CFAP99: variants seen among roughly 807,000 people sequenced by gnomAD.
CFAP99 encodes the protein cilia and flagella associated protein 99, also known as cilia- and flagella-associated protein 99.
In CFAP99, 84 loss-of-function variants were observed where a neutral mutation model predicts 82.7. That is an observed-to-expected ratio of 1.02 (90% confidence interval 0.85 to 1.22). CFAP99 has a LOEUF of 1.22. CFAP99 is among the 50% of genes most tolerant of loss of function. The pLI is 0.00. For synonymous variants in CFAP99, 456 were observed against 429.5 expected, an observed-to-expected ratio of 1.06 and a Z score of -0.76; for missense variants, 1,059 against 983.5, an observed-to-expected ratio of 1.08 and a Z score of -1.03.
At chr4:2,458,566 G>C (rs376003130) in intron 11 of CFAP99, among the ~76,000 whole-genome samples, 157 bp from the exon 12 acceptor site, 1 of 152,230 alleles carries the variant, frequency 6.6e-6, no homozygotes, top group Non-Finnish European at 1.5e-5. Context: ...CCAGAGCACC[G>C]CCAGGAGTGA....
At chr4:2,457,099 G>A (rs1383918150) in intron 11 of CFAP99, among the ~76,000 whole-genome samples, 1 of 151,742 alleles carries the variant, frequency 6.6e-6, no homozygotes, top group African/African-American at 2.4e-5. Context: ...ACCACAGGCA[G>A]GAGCCACCGG....
At chr4:2,447,044 A>G (rs1249541908) in intron 6 of CFAP99, among the ~76,000 whole-genome samples, 2 of 151,484 alleles carry the variant, frequency 1.3e-5, no homozygotes, top group African/African-American at 4.9e-5. Context: ...GGTTGGACTC[A>G]TGGAAGGATA....
chr4:2,458,898 C>G (rs567911512), intron 12 of CFAP99, 34 bp downstream of exon 12: 4 of 1,518,274 alleles, frequency 2.6e-6, no homozygotes, highest in East Asian at 2.5e-5. Flanking sequence ...GGCCCTACCC[C>G]GCTCTTCCCC....
intron 5 of CFAP99, 137 bp downstream of exon 5, chr4:2,443,379 G>A (rs903334679): frequency 7.8e-5 from 50 of 638,366 alleles, no homozygotes; most frequent in African/African-American, 4.9e-4. Flanking sequence ...CTCCGTGTTC[G>A]GATGAGATCT....
chr4:2,459,523 C>T (rs1404110516), intron 13 of CFAP99, among the ~76,000 whole-genome samples: 2 of 152,326 alleles, frequency 1.3e-5, no homozygotes, highest in South Asian at 2.1e-4. Context: ...ACAGAGGAGG[C>T]CACTTAGGAG....
At chr4:2,453,536 C>T (rs1470600711) in intron 11 of CFAP99, among the ~76,000 whole-genome samples, 2 of 152,172 alleles carry the variant, frequency 1.3e-5, no homozygotes, top group Non-Finnish European at 2.9e-5. Flanking sequence ...CAGAGTGTAC[C>T]AGGCTGAATT....
intron 6 of CFAP99, 138 bp from the exon 7 acceptor site, chr4:2,449,532 G>T: frequency 1.6e-6 from 1 of 631,398 alleles, no homozygotes; most frequent in Middle Eastern, 4.4e-4. Context: ...GTTAGCTCCA[G>T]CCCTGTTTCT....
intron 1 of CFAP99, among the ~76,000 whole-genome samples, chr4:2,420,726 G>C (rs1235526587): frequency 6.6e-6 from 1 of 152,176 alleles, no homozygotes; most frequent in Non-Finnish European, 1.5e-5. Flanking sequence ...GAGGTCCATG[G>C]AGAGGCAATC....
intron 6 of CFAP99, 70 bp downstream of exon 6, chr4:2,445,378 G>A (rs926430320): frequency 1.2e-5 from 15 of 1,234,544 alleles, no homozygotes; most frequent in Non-Finnish European, 1.5e-5. Flanking sequence ...AGAGTGGACT[G>A]TGTGGGCCTG....
At chr4:2,457,083 G>T (rs1341968722) in intron 11 of CFAP99, among the ~76,000 whole-genome samples, 2 of 151,398 alleles carry the variant, frequency 1.3e-5, no homozygotes, top group South Asian at 2.1e-4. Context: ...CTCCTGAGTA[G>T]CTGGGACCAC....
Position 2,453,741 on chromosome 4 carries a change from C to CTT in CFAP99, c.1161+1409_1161+1410dup, listed in dbSNP as rs34564273. On this transcript the variant is annotated intron_variant, in intron 11 of 14. Transcript: ENST00000635017. Reference sequence around the variant, plus strand: ...GCACTTTTGACCTTCATTTCCCTGACTTTTTTTTTTTTTTTGGTTCTTTAT... The same window carrying CTT: ...GCACTTTTGACCTTCATTTCCCTGACTTTTTTTTTTTTTTTTTGGTTCTTTAT... Among the ~76,000 whole-genome samples, 297 of 132,386 alleles carry CTT rather than the reference C, an allele frequency of 2.2e-3. 2 individuals carry two copies. The highest frequency in any genetic ancestry group is 2.8e-3 in the African/African-American group (100 of 35,274). 86.9% of individuals were successfully genotyped at this position (132,386 alleles called of 152,430 possible). A position where few individuals can be genotyped will look rare whatever the true frequency, so the allele number is the denominator to read the frequency against.
chr4:2,460,244 T>G lies in CFAP99; in HGVS notation c.1661+2T>G. The G allele has an allele frequency of 6.5e-7, 1 of 1,535,678 alleles. No homozygotes were observed. Among genetic ancestry groups the G allele is most frequent in the Non-Finnish European group, 8.7e-7 (1 of 1,146,784 alleles). ...CATGGGGAGATCCGCAGCCTTGAGG[T>G]TGGTACTGGGCTCGGGGAGGGTGCC... is the stretch of plus-strand genomic sequence containing the variant. On this transcript the variant is annotated splice_donor_variant, in intron 14 of 14. Coordinates refer to ENST00000635017, the Ensembl canonical transcript of CFAP99. LOFTEE classifies it high-confidence loss of function.
rs1253819268 is a variant in CFAP99 at position 2,440,149 on chromosome 4, C to CTTTTTTTTTTTTTTTTTT, written c.351+2000_351+2001insTTTTTTTTTTTTTTTTTT. ...GAGCCACTGCGCCCAGCTTGACATT[C>CTTTTTTTTTTTTTTTTTT]TTTTTTTTTTTTTTTGAGACGGAGT... On this transcript the variant is annotated intron_variant, in intron 4 of 14. Coordinates refer to ENST00000635017, the Ensembl canonical transcript of CFAP99. Among the ~76,000 whole-genome samples the CTTTTTTTTTTTTTTTTTT allele has an allele frequency of 2.6e-4, 27 of 104,028 alleles. 2 individuals carry two copies. The highest frequency in any genetic ancestry group is 6.4e-4 in the South Asian group (2 of 3,108). 68.2% of individuals were successfully genotyped at this position (104,028 alleles called of 152,430 possible). A position where few individuals can be genotyped will look rare whatever the true frequency, so the allele number is the denominator to read the frequency against.
At position 2,462,527 on chromosome 4, in the gene CFAP99, GGA is replaced by G; in HGVS notation, c.1750_1751del (p.Arg584GlyfsTer?). ...TGCAGCAGCTGCGGCGCAGGATCTC[GGA>G]GAGGGCGGCCGAGCGCAGCAGGCAG... On this transcript the variant is annotated frameshift_variant, in exon 15 of 15. Transcript: ENST00000635017. LOFTEE classifies it low-confidence loss of function (END_TRUNC). The surrounding 1 kb of genome is among the most constrained non-coding windows in gnomAD (Gnocchi z 4.1). 2 of 1,475,018 alleles carry G rather than the reference GGA, an allele frequency of 1.4e-6. No individual in the cohort carries two copies. The highest frequency in any genetic ancestry group is 1.8e-6 in the Non-Finnish European group (2 of 1,121,426). 91.4% of individuals were successfully genotyped at this position (1,475,018 alleles called of 1,614,324 possible).
chr4:2,438,222 T>C (rs1247980252), intron 4 of CFAP99, 58 bp downstream of exon 4: 2 of 967,202 alleles, frequency 2.1e-6, no homozygotes, highest in Non-Finnish European at 3.2e-6. Flanking sequence ...GTCCGTCTGA[T>C]CCTCGCCCAC....
At chr4:2,439,133 G>A (rs943999095) in intron 4 of CFAP99, among the ~76,000 whole-genome samples, 5 of 152,192 alleles carry the variant, frequency 3.3e-5, no homozygotes, top group African/African-American at 4.8e-5. Context: ...AGGTTTTCCC[G>A]GACACTCATG....
intron 2 of CFAP99, among the ~76,000 whole-genome samples, chr4:2,429,475 C>T (rs572150163): frequency 3.9e-5 from 6 of 152,312 alleles, no homozygotes; most frequent in East Asian, 1.9e-4. Context: ...AAACTGGCAG[C>T]GGCAGACACA....
intron 2 of CFAP99, chr4:2,428,810 A>C (rs919549666): frequency 6.6e-6 from 1 of 151,978 alleles, no homozygotes; most frequent in African/African-American, 2.5e-5. Context: ...GCCTGCTGAC[A>C]GCTCCTGCTC....
intron 11 of CFAP99, among the ~76,000 whole-genome samples, chr4:2,457,777 A>G (rs1415780745): frequency 4.6e-5 from 7 of 151,616 alleles, no homozygotes; most frequent in Non-Finnish European, 2.9e-5. Flanking sequence ...CCGACTCCCT[A>G]TTCCGTGCCG....
Sources: allele counts gnomAD v4.1 joint callset (sites outside exome capture counted in the v4.1 genomes callset), GRCh38; gene constraint gnomAD v4.1.1; non-coding constraint Gnocchi (gnomAD v3.1); transcripts MANE v1.5; gene names NCBI Gene and HGNC (gene_info 2026-07-23, HGNC 2026-07-21).